Variants in FAM20A observed in about 807,000 individuals in gnomAD.
FAM20A encodes the protein pseudokinase FAM20A.
Under a neutral mutation model 52.0 loss-of-function variants are expected in FAM20A, and 42 were observed. The observed-to-expected ratio is 0.81, with a 90% confidence interval of 0.63 to 1.04. The LOEUF is 1.04. Ranked by LOEUF, FAM20A falls within the 50% of genes least tolerant of loss-of-function variation. The pLI, the probability that FAM20A is intolerant of heterozygous loss-of-function variation, is 0.00. For synonymous variants in FAM20A, 304 were observed against 298.9 expected (o/e 1.02, Z -0.18); for missense variants, 742 against 712.7 (o/e 1.04, Z -0.47).
At position 68,539,938 on chromosome 17, in the gene FAM20A, C is replaced by G; in HGVS notation, c.1248G>C (p.Met416Ile). The stretch of plus-strand genomic sequence containing the variant: ...ACCCATCATCCCCGAACTTGGTGAA[C>G]ATCTCATAATGGTGCCGGTCCATAT... ...IGNMDRHHYE[M>I]FTKFGDDGFL... Residue 416 changes from methionine to isoleucine, a missense_variant, in exon 9 of 11, where the codon ATG becomes ATC. Physicochemically the swap from Met to Ile is conservative, Grantham distance 10. Coordinates refer to ENST00000592554, the MANE Select transcript of FAM20A (RefSeq NM_017565.4). 3 of 1,614,200 alleles carry G rather than the reference C, an allele frequency of 1.9e-6. No homozygotes were observed. Among genetic ancestry groups the G allele is most frequent in the Non-Finnish European group, 2.5e-6 (3 of 1,180,032 alleles).
intron 1 of FAM20A, among the ~76,000 whole-genome samples, chr17:68,589,609 G>A (rs2088247628): frequency 6.6e-6 from 1 of 152,094 alleles, no homozygotes; most frequent in East Asian, 1.9e-4. Flanking sequence ...ATCAATTTTG[G>A]AGAAAGGAAG....
chr17:68,546,956 A>C (rs918272137), intron 4 of FAM20A, among the ~76,000 whole-genome samples: 1 of 152,038 alleles, frequency 6.6e-6, no homozygotes, highest in Admixed American at 6.5e-5. Flanking sequence ...TCTCCAGCAG[A>C]GCTCTTGAGT....
chr17:68,582,334 G>C (rs2088030703), intron 1 of FAM20A: 1 of 152,194 alleles, frequency 6.6e-6, no homozygotes, highest in East Asian at 1.9e-4. Flanking sequence ...TTAGGTAATT[G>C]ACGTCGAAGT....
intron 1 of FAM20A, among the ~76,000 whole-genome samples, chr17:68,581,374 C>CTTTCTT (rs2087956567): frequency 7.0e-6 from 1 of 141,916 alleles, no homozygotes; most frequent in African/African-American, 2.7e-5. Flanking sequence ...TTCTTTCTTT[C>CTTTCTT]TTTCTTTCTT....
At chr17:68,548,473 C>T (rs1568732651) in intron 4 of FAM20A, among the ~76,000 whole-genome samples, 6 of 151,644 alleles carry the variant, frequency 4.0e-5, no homozygotes. Flanking sequence ...GAGGTTGCAG[C>T]GAGCTGAGAT....
intron 7 of FAM20A, chr17:68,541,690 A>G: frequency 3.1e-6 from 1 of 323,520 alleles, no homozygotes; most frequent in Non-Finnish European, 5.8e-6. Context: ...TGATCTGGCT[A>G]CATGTCTGTT....
chr17:68,548,925 G>T (rs1197325122), intron 4 of FAM20A, among the ~76,000 whole-genome samples: 12 of 151,478 alleles, frequency 7.9e-5, no homozygotes, highest in Non-Finnish European at 8.8e-5. Context: ...GTAGAGACGG[G>T]GTTTCACCGT....
rs902178512 is a variant in FAM20A, at chr17:68,601,101, C to A, written c.-435G>T. 2 of 151,866 alleles carry A rather than the reference C, an allele frequency of 1.3e-5. No homozygotes were observed. The highest frequency in any genetic ancestry group is 1.9e-4 in the East Asian group (1 of 5,152). The allele number at this position is 151,866 out of a possible 1,614,324, so 9.4% of individuals were successfully genotyped here. A position where few individuals can be genotyped will look rare whatever the true frequency, so the allele number is the denominator to read the frequency against. On this transcript the variant is annotated 5_prime_UTR_variant, in exon 1 of 11. Coordinates refer to ENST00000592554, the MANE Select transcript of FAM20A (RefSeq NM_017565.4). ...AGGCCGCCGGCTGCAAAGCCCGGGG[C>A]GTCTCTCCTGAGGATGCTGTCGCTC...
chr17:68,541,115 G>T (rs1023954149), intron 7 of FAM20A, 157 bp from the exon 8 acceptor site: 1 of 1,031,734 alleles, frequency 9.7e-7, no homozygotes, highest in Non-Finnish European at 1.4e-6. Context: ...GGGCAAGGAC[G>T]CGTAAGGCTG....
intron 8 of FAM20A, 123 bp from the exon 9 acceptor site, chr17:68,540,089 T>A: frequency 2.5e-6 from 2 of 795,666 alleles, no homozygotes; most frequent in Admixed American, 4.0e-5. Context: ...TGAACGAAGC[T>A]GGGCCTCACA....
chr17:68,600,557 G>T lies in FAM20A; in HGVS notation c.110C>A (p.Pro37His). ...LWPQVQRQLR[P>H]RERPRGCPCT... ...CGGGCACCCCCGCGGGCGCTCCCGAGGCCGCAGCTGGCGCTGTACTTGGGG... is the reference window on the plus strand; with the variant it reads ...CGGGCACCCCCGCGGGCGCTCCCGATGCCGCAGCTGGCGCTGTACTTGGGG... Residue 37 changes from proline (P) to histidine (H), a missense_variant, in exon 1 of 11, where the codon CCT becomes CAT. Coordinates refer to ENST00000592554, the MANE Select transcript of FAM20A (RefSeq NM_017565.4). This position sits in a 1 kb window ranked among gnomAD's most constrained non-coding sequence, Gnocchi z 6.2. The T allele has an allele frequency of 6.4e-7, 1 of 1,556,588 alleles. No individual in the cohort carries two copies. Among genetic ancestry groups the T allele is most frequent in the Non-Finnish European group, 8.7e-7 (1 of 1,151,164 alleles).
intron 1 of FAM20A, among the ~76,000 whole-genome samples, chr17:68,561,907 C>T (rs57112248): frequency 0.32 from 48,926 of 152,020 alleles, 8,806 homozygotes; most frequent in East Asian, 0.5. Flanking sequence ...ACTGCAACCC[C>T]TGCCTCCCAG....
intron 1 of FAM20A, among the ~76,000 whole-genome samples, chr17:68,586,739 C>T (rs1042992321): frequency 2.6e-5 from 4 of 152,196 alleles, no homozygotes; most frequent in African/African-American, 9.7e-5. Context: ...GTAAATAATA[C>T]ATTTTTGTTG....
At chr17:68,542,264 G>A in intron 6 of FAM20A, 99 bp from the exon 7 acceptor site, 2 of 1,290,606 alleles carry the variant, frequency 1.5e-6, no homozygotes, top group Non-Finnish European at 2.2e-6. Flanking sequence ...GGGAAACCCT[G>A]AACTCACAGC....
chr17:68,591,175 C>A (rs549037510), intron 1 of FAM20A, among the ~76,000 whole-genome samples: 1 of 152,122 alleles, frequency 6.6e-6, no homozygotes, highest in Non-Finnish European at 1.5e-5. Context: ...GGCGCGATCT[C>A]GGCTAACTGC....
chr17:68,566,976 TACA>T (rs2087393233), intron 1 of FAM20A, among the ~76,000 whole-genome samples: 2 of 152,338 alleles, frequency 1.3e-5, no homozygotes, highest in South Asian at 4.1e-4. Context: ...TGTCATTAAA[TACA>T]ACAATTCTGA....
Position 68,536,020 on chromosome 17 carries a change from C to T in FAM20A, c.*1457G>A, listed in dbSNP as rs1345398271. The stretch of plus-strand genomic sequence containing the variant: ...AGGATTGGAAACCTGTGTGTTGCTT[C>T]TGTAGCGTTGGTGAGTGCCTCACCT... On this transcript the variant is annotated 3_prime_UTR_variant, in exon 11 of 11. Transcript: ENST00000592554. 4.4e-6 allele frequency: 2 copies of T among 453,988 alleles called. No individual in the cohort carries two copies. Among genetic ancestry groups the T allele is most frequent in the Admixed American group, 2.4e-5 (1 of 42,548 alleles). 28.1% of individuals were successfully genotyped at this position (453,988 alleles called of 1,614,324 possible). A position where few individuals can be genotyped will look rare whatever the true frequency, so the allele number is the denominator to read the frequency against.
chr17:68,581,352 T>TTTTC (rs1362706483), intron 1 of FAM20A, among the ~76,000 whole-genome samples: 30 of 85,284 alleles, frequency 3.5e-4, no homozygotes, highest in African/African-American at 1.2e-3. Context: ...AATGCAGTTT[T>TTTTC]TCTTTCTTTC....
intron 1 of FAM20A, among the ~76,000 whole-genome samples, chr17:68,577,430 TTCGCCACTGGGGGCGA>T (rs1369845213): frequency 1.3e-5 from 2 of 152,364 alleles, no homozygotes; most frequent in South Asian, 4.1e-4. Context: ...AGACCAGTGG[TTCGCCACTGGGGGCGA>T]TTTTACCCCT....
Sources: gnomAD v4.1 joint callset for allele counts (sites outside exome capture counted in the v4.1 genomes callset) on GRCh38, gnomAD v4.1.1 for gene constraint, Gnocchi (gnomAD v3.1) non-coding constraint, MANE v1.5 for transcripts, NCBI Gene and HGNC (gene_info 2026-07-23, HGNC 2026-07-21) for gene names.